The following DNER variants were observed in gnomAD, a reference collection of about 807,000 sequenced individuals.
The protein encoded by DNER is delta/notch like EGF repeat containing.
Under a neutral mutation model 78.2 loss-of-function variants are expected in DNER, and 33 were observed. That is an observed-to-expected ratio of 0.42 (90% confidence interval 0.32 to 0.56). The LOEUF is 0.56. Among genes scored for constraint, DNER ranks in the 20% least tolerant of loss-of-function variants. The pLI is 0.11. For synonymous variants in DNER, 417 were observed against 384.8 expected (o/e 1.08, Z -0.98); for missense variants, 918 against 975.3 (o/e 0.94, Z 0.78).
intron 7 of DNER, among the ~76,000 whole-genome samples, chr2:229,462,371 A>G (rs559494980): frequency 3.4e-4 from 51 of 152,214 alleles, no homozygotes; most frequent in African/African-American, 1.2e-3. Context: ...CACATCAAAG[A>G]AATGATGTGT....
chr2:229,690,921 C>T (rs1362388058), intron 1 of DNER, among the ~76,000 whole-genome samples: 3 of 152,164 alleles, frequency 2.0e-5, no homozygotes, highest in Admixed American at 2.0e-4. Flanking sequence ...ATGCAATGGC[C>T]AAGTTCATCC....
chr2:229,382,944 C>T (rs1692777511), intron 11 of DNER, among the ~76,000 whole-genome samples: 2 of 151,854 alleles, frequency 1.3e-5, no homozygotes, highest in African/African-American at 4.8e-5. Flanking sequence ...GAAGAGCAAC[C>T]CCAAGACACA....
intron 1 of DNER, among the ~76,000 whole-genome samples, chr2:229,648,858 T>C (rs1698764385): frequency 6.6e-6 from 1 of 152,368 alleles, no homozygotes; most frequent in African/African-American, 2.4e-5. Flanking sequence ...TGCCCCAGAA[T>C]AACTCATCAC....
At chr2:229,628,383 A>T (rs1026659507) in intron 1 of DNER, among the ~76,000 whole-genome samples, 1 of 152,220 alleles carries the variant, frequency 6.6e-6, no homozygotes, top group African/African-American at 2.4e-5. Flanking sequence ...AATTGTGAGC[A>T]AAATAAAATG....
In DNER at chr2:229,638,359, T is replaced by C. The variant is rs543533186; in HGVS notation, c.277-46471A>G. The stretch of plus-strand genomic sequence containing the variant: ...CTATAGTAATCAAAGCAGTATAGTA[T>C]TCACCTAAAGGCAGACAAAATAGAT... On this transcript the variant is annotated intron_variant, in intron 1 of 12. Coordinates refer to ENST00000341772, the MANE Select transcript of DNER (RefSeq NM_139072.4). Among the ~76,000 whole-genome samples the C allele has an allele frequency of 1.2e-3, 189 of 152,302 alleles. 7 individuals are homozygous for C. In the South Asian group the frequency reaches 0.038, roughly 31 times the overall value.
In DNER at chr2:229,681,503, A is replaced by G. The variant is rs1028406258; in HGVS notation, c.276+32645T>C. Among the ~76,000 whole-genome samples the G allele has an allele frequency of 9.9e-5, 15 of 152,210 alleles. No individual in the cohort carries two copies. In the South Asian group the frequency reaches 3.1e-3, roughly 32 times the overall value. On this transcript the variant is annotated intron_variant, in intron 1 of 12. Transcript: ENST00000341772. ...ATAAGGAGTTTGTCCCTCCTAGAAA[A>G]CACATCCAAACTCACAAAATAGTTT...
intron 11 of DNER, among the ~76,000 whole-genome samples, chr2:229,382,125 G>C (rs142656151): frequency 1.6e-3 from 250 of 152,306 alleles, no homozygotes; most frequent in African/African-American, 5.3e-3. Flanking sequence ...CAGGCAAATG[G>C]TCTGGAGTGG....
intron 4 of DNER, among the ~76,000 whole-genome samples, chr2:229,560,807 C>A (rs1483019128): frequency 6.6e-6 from 1 of 152,174 alleles, no homozygotes; most frequent in Non-Finnish European, 1.5e-5. Flanking sequence ...CATACCTCAG[C>A]TGTGTGGACT....
At chr2:229,489,303 A>G (rs1291936913) in intron 6 of DNER, among the ~76,000 whole-genome samples, 1 of 152,182 alleles carries the variant, frequency 6.6e-6, no homozygotes, top group African/African-American at 2.4e-5. Context: ...ATCATAAATA[A>G]AGGAAACTTG....
intron 5 of DNER, among the ~76,000 whole-genome samples, chr2:229,518,031 T>C (rs531615957): frequency 1.3e-5 from 2 of 152,360 alleles, no homozygotes; most frequent in East Asian, 3.9e-4. Flanking sequence ...ATAGTTTGTT[T>C]TATTCAGATA....
intron 1 of DNER, among the ~76,000 whole-genome samples, chr2:229,597,055 G>A (rs536616441): frequency 8.5e-5 from 12 of 141,260 alleles, no homozygotes; most frequent in South Asian, 2.3e-4. Context: ...ACACATGCAC[G>A]CACACACAAA....
chr2:229,391,087 G>A (rs1217957085), intron 10 of DNER, among the ~76,000 whole-genome samples: 1 of 152,178 alleles, frequency 6.6e-6, no homozygotes, highest in Non-Finnish European at 1.5e-5. Flanking sequence ...AGACACCCAA[G>A]GATGACTGTT....
chr2:229,531,537 AG>A (rs1233395241), intron 5 of DNER, among the ~76,000 whole-genome samples: 2 of 152,250 alleles, frequency 1.3e-5, no homozygotes, highest in African/African-American at 4.8e-5. Flanking sequence ...TGGAGACATT[AG>A]AACACTCGCA....
At chr2:229,697,174 A>C (rs1699675062) in intron 1 of DNER, among the ~76,000 whole-genome samples, 1 of 152,230 alleles carries the variant, frequency 6.6e-6, no homozygotes, top group South Asian at 2.1e-4. Context: ...ATAAAAAAGC[A>C]ATGAAGTATG....
intron 10 of DNER, among the ~76,000 whole-genome samples, chr2:229,390,371 G>A (rs965627498): frequency 5.9e-5 from 9 of 152,206 alleles, no homozygotes; most frequent in Admixed American, 4.6e-4. Context: ...GCAGTCCCAG[G>A]GCTATCAGTT....
chr2:229,564,669 C>T (rs1697065936), intron 4 of DNER, among the ~76,000 whole-genome samples: 1 of 149,192 alleles, frequency 6.7e-6, no homozygotes, highest in African/African-American at 2.5e-5. Flanking sequence ...CACCCCGTCA[C>T]CATCATCATC....
chr2:229,462,211 A>G (rs575230232), intron 7 of DNER, among the ~76,000 whole-genome samples: 2 of 152,234 alleles, frequency 1.3e-5, no homozygotes, highest in South Asian at 4.1e-4. Context: ...CCAAAAGAAA[A>G]CATTTCTGGA....
At chr2:229,689,457 AGT>A (rs1466167994) in intron 1 of DNER, among the ~76,000 whole-genome samples, 11 of 152,360 alleles carry the variant, frequency 7.2e-5, no homozygotes, top group Non-Finnish European at 1.3e-4. Flanking sequence ...AGAGAAAAGA[AGT>A]GAGATGAGAG....
At chr2:229,604,739 G>A (rs1358730190) in intron 1 of DNER, among the ~76,000 whole-genome samples, 6 of 152,194 alleles carry the variant, frequency 3.9e-5, no homozygotes, top group Admixed American at 6.5e-5. Flanking sequence ...ATCTGCTCCC[G>A]GGAATAGGAC....
Sources: allele counts gnomAD v4.1 joint callset (sites outside exome capture counted in the v4.1 genomes callset), GRCh38; gene constraint gnomAD v4.1.1; transcripts MANE v1.5; gene names NCBI Gene and HGNC (gene_info 2026-07-23, HGNC 2026-07-21).